Variants in DCLK1 observed in about 807,000 individuals in gnomAD.
The protein encoded by DCLK1 is doublecortin like kinase 1, also known as serine/threonine-protein kinase DCLK1.
In DCLK1, 16 loss-of-function variants were observed where a neutral mutation model predicts 86.2. The ratio of observed to expected loss-of-function variants is 0.19; its 90% CI spans 0.13 to 0.28. The LOEUF (loss-of-function observed/expected upper bound fraction) is 0.28, where lower values mean the gene tolerates loss of function less well. DCLK1 is among the 10% of genes least tolerant of loss of function. The pLI is 1.00. For missense variants in DCLK1, 590 were observed against 940.2 expected (o/e 0.63, Z 4.87); for synonymous variants, 369 against 370.5 (o/e 1.00, Z 0.05).
At chr13:35,822,193 C>T (rs1330142008) in intron 11 of DCLK1, among the ~76,000 whole-genome samples, 2 of 151,904 alleles carry the variant, frequency 1.3e-5, no homozygotes, top group Non-Finnish European at 2.9e-5. Context: ...CTCTGTCACC[C>T]AGACTGGAGT....
At chr13:35,867,957 G>GAAAGAAAGAAAGAAAGAGAA (rs1871966236) in intron 5 of DCLK1, among the ~76,000 whole-genome samples, 1 of 144,522 alleles carries the variant, frequency 6.9e-6, no homozygotes, top group Non-Finnish European at 1.5e-5. Flanking sequence ...AAGAAAGAAA[G>GAAAGAAAGAAAGAAAGAGAA]AAAGAAAGAG....
Position 36,045,328 on chromosome 13 carries a change from G to GTA in DCLK1, c.723+66540_723+66541insTA, listed in dbSNP as rs1257247083. Among the ~76,000 whole-genome samples the GTA allele has an allele frequency of 8.3e-3, 373 of 45,090 alleles. 2 individuals are homozygous for GTA. Among genetic ancestry groups the GTA allele is most frequent in the Non-Finnish European group, 0.013 (322 of 25,714 alleles). 29.6% of individuals were successfully genotyped at this position (45,090 alleles called of 152,430 possible). On this transcript the variant is annotated intron_variant, in intron 3 of 16. Coordinates refer to ENST00000360631, the MANE Select transcript of DCLK1 (RefSeq NM_001330071.2). ...TATATATGTCTATATATGTGTGTGT[G>GTA]TGTGTATATATATATATATATATAT...
At chr13:35,965,023 A>C (rs1878656963) in intron 3 of DCLK1, among the ~76,000 whole-genome samples, 1 of 152,154 alleles carries the variant, frequency 6.6e-6, no homozygotes, top group Non-Finnish European at 1.5e-5. Context: ...ACGTTTGCTG[A>C]CCGCTGACTT....
In DCLK1 at chr13:35,953,904, T is replaced by G. The variant is rs1877836744; in HGVS notation, c.724-6447A>C. Among the ~76,000 whole-genome samples the G allele has an allele frequency of 2.0e-5, 3 of 152,154 alleles. 1 individual carries two copies. In the South Asian group the frequency reaches 6.2e-4, roughly 32 times the overall value. ...CTGGATGCATTTGAAGCCACAGAAG[T>G]CATTGTGTCTTTATCAGGTGTTTTC... On this transcript the variant is annotated intron_variant, in intron 3 of 16. Coordinates refer to ENST00000360631, the MANE Select transcript of DCLK1 (RefSeq NM_001330071.2).
At chr13:35,788,062 T>C (rs1476300490) in intron 16 of DCLK1, 1 of 762,712 alleles carries the variant, frequency 1.3e-6, no homozygotes, top group Admixed American at 2.2e-5. Flanking sequence ...GGGTGTGGCA[T>C]CTCAATCAAG....
At chr13:35,935,152 A>G (rs911197438) in intron 4 of DCLK1, among the ~76,000 whole-genome samples, 2 of 152,172 alleles carry the variant, frequency 1.3e-5, no homozygotes. Context: ...TCAAAAATAA[A>G]TAGCTTTTGG....
chr13:35,926,150 C>T (rs1450258376), intron 4 of DCLK1, among the ~76,000 whole-genome samples: 1 of 152,044 alleles, frequency 6.6e-6, no homozygotes, highest in Non-Finnish European at 1.5e-5. Flanking sequence ...TGTCTGCCGC[C>T]CAGGTTCAAG....
chr13:35,867,343 A>C (rs1473256952), intron 5 of DCLK1, among the ~76,000 whole-genome samples: 1 of 152,216 alleles, frequency 6.6e-6, no homozygotes, highest in Non-Finnish European at 1.5e-5. Context: ...TTGACCTAGA[A>C]GTTAAAGTGC....
At chr13:36,088,251 C>T (rs1025886815) in intron 3 of DCLK1, among the ~76,000 whole-genome samples, 2 of 152,258 alleles carry the variant, frequency 1.3e-5, no homozygotes. Flanking sequence ...TGCTGCAGAC[C>T]ATATCCTTTG....
chr13:35,930,625 C>A (rs74046159), intron 4 of DCLK1, among the ~76,000 whole-genome samples: 8,919 of 150,774 alleles, frequency 0.059, 848 homozygotes, highest in African/African-American at 0.21. Flanking sequence ...CAAAAACAAA[C>A]AAAAACAAAA....
intron 15 of DCLK1, among the ~76,000 whole-genome samples, chr13:35,804,928 A>G (rs1371311750): frequency 6.6e-6 from 1 of 152,220 alleles, no homozygotes; most frequent in South Asian, 2.1e-4. Context: ...CTACTGTGTT[A>G]GAATCTGCGT....
In DCLK1 at chr13:35,772,788, T is replaced by A. The variant is rs1294562675; in HGVS notation, c.*1747A>T. On this transcript the variant is annotated 3_prime_UTR_variant, in exon 17 of 17. Coordinates refer to ENST00000360631, the MANE Select transcript of DCLK1 (RefSeq NM_001330071.2). ...TTTGGTGATGGTGTTGCAAAAGTAA[T>A]GACATGTGATTTAAAAATCCATATT... The A allele has an allele frequency of 2.6e-5, 4 of 152,020 alleles. No individual in the cohort carries two copies. Among genetic ancestry groups the A allele is most frequent in the Non-Finnish European group, 5.9e-5 (4 of 67,992 alleles). 9.4% of individuals were successfully genotyped at this position (152,020 alleles called of 1,614,324 possible).
At chr13:35,840,685 G>C (rs529725173) in intron 6 of DCLK1, among the ~76,000 whole-genome samples, 1 of 152,142 alleles carries the variant, frequency 6.6e-6, no homozygotes, top group Non-Finnish European at 1.5e-5. Flanking sequence ...GCACACATTT[G>C]TCATATGTCA....
At chr13:35,829,439 G>A (rs183247036) in intron 8 of DCLK1, among the ~76,000 whole-genome samples, 1 of 152,264 alleles carries the variant, frequency 6.6e-6, no homozygotes, top group Non-Finnish European at 1.5e-5. Context: ...GACACAAATA[G>A]TAATGAGGTT....
intron 4 of DCLK1, among the ~76,000 whole-genome samples, chr13:35,892,497 A>G (rs1211144600): frequency 6.6e-6 from 1 of 152,222 alleles, no homozygotes; most frequent in Admixed American, 6.5e-5. Context: ...AATGTTTTCT[A>G]TCCAATTTAC....
At chr13:36,125,588 AT>A (rs1271747536) in intron 2 of DCLK1, among the ~76,000 whole-genome samples, 173 bp downstream of exon 2, 5 of 152,054 alleles carry the variant, frequency 3.3e-5, no homozygotes, top group Non-Finnish European at 5.9e-5. Context: ...AATACCATTA[AT>A]TTTTTTTCCT....
At chr13:35,816,805 C>T (rs547273958) in intron 11 of DCLK1, among the ~76,000 whole-genome samples, 9 of 152,036 alleles carry the variant, frequency 5.9e-5, no homozygotes, top group Non-Finnish European at 1.3e-4. Context: ...CCATATATAC[C>T]GTTTGGGTTT....
chr13:35,924,562 G>A (rs2052044232), intron 4 of DCLK1, among the ~76,000 whole-genome samples: 2 of 152,210 alleles, frequency 1.3e-5, no homozygotes, highest in African/African-American at 4.8e-5. Context: ...TGAGGCAGGA[G>A]AATCGCTTGA....
chr13:35,945,462 A>C (rs1190866344), intron 4 of DCLK1, among the ~76,000 whole-genome samples: 1 of 152,140 alleles, frequency 6.6e-6, no homozygotes. Context: ...GCCTAGATAG[A>C]GACCCCAGAG....
Sources: allele counts gnomAD v4.1 joint callset (sites outside exome capture counted in the v4.1 genomes callset), GRCh38; gene constraint gnomAD v4.1.1; transcripts MANE v1.5; gene names NCBI Gene and HGNC (gene_info 2026-07-23, HGNC 2026-07-21).